Variants in TANC1 observed in about 807,000 individuals in gnomAD.
TANC1 encodes the protein tetratricopeptide repeat, ankyrin repeat and coiled-coil containing 1.
In TANC1, 77 loss-of-function variants were observed where a neutral mutation model predicts 149.7. The observed-to-expected ratio is 0.51, with a 90% CI of 0.43 to 0.62. The LOEUF is 0.62. TANC1 is among the 20% of genes least tolerant of loss of function. The pLI is 0.00. For missense variants in TANC1, 1,985 were observed against 2,321.8 expected (o/e 0.85, Z 2.98); for synonymous variants, 854 against 925.0 (o/e 0.92, Z 1.39).
rs542187598 is a variant in TANC1, at chr2:159,135,530, G to A, written c.260-664G>A. Among the ~76,000 whole-genome samples the A allele has an allele frequency of 1.8e-4, 28 of 152,348 alleles. No individual in the cohort carries two copies. The South Asian group carries it at 5.6e-3, about 30-fold the overall frequency. On this transcript the variant is annotated intron_variant, in intron 4 of 26. Coordinates refer to ENST00000263635, the MANE Select transcript of TANC1 (RefSeq NM_033394.3). ...ATGTGAGGGTTCCATCCAGTCTTAC[G>A]AAGAATTCCGGATTTTCTGATAATA...
chr2:159,038,797 T>C (rs1014515430), intron 2 of TANC1, among the ~76,000 whole-genome samples: 2 of 152,220 alleles, frequency 1.3e-5, no homozygotes, highest in African/African-American at 2.4e-5. Flanking sequence ...ATCAGGGATA[T>C]TGGTCTAAAA....
intron 2 of TANC1, among the ~76,000 whole-genome samples, chr2:159,008,619 G>C (rs975324462): frequency 1.3e-5 from 2 of 152,100 alleles, no homozygotes; most frequent in Non-Finnish European, 2.9e-5. Context: ...ATTTTTTCTT[G>C]ATATGCTAGA....
At chr2:158,994,866 A>G (rs16843530) in intron 1 of TANC1, among the ~76,000 whole-genome samples, 12,050 of 152,286 alleles carry the variant, frequency 0.079, 734 homozygotes, top group East Asian at 0.16. Flanking sequence ...TACTGTTTGG[A>G]GAAAGAACTG....
intron 2 of TANC1, among the ~76,000 whole-genome samples, chr2:159,059,502 C>CT (rs2042074737): frequency 6.9e-6 from 1 of 144,044 alleles, no homozygotes; most frequent in African/African-American, 2.5e-5. Flanking sequence ...GTAAGACTCT[C>CT]TTAAAAAAAA....
intron 19 of TANC1, among the ~76,000 whole-genome samples, chr2:159,210,294 T>C (rs1466147673): frequency 6.6e-6 from 1 of 152,128 alleles, no homozygotes; most frequent in Admixed American, 6.5e-5. Flanking sequence ...TACAGACCCA[T>C]TGTTGTGATC....
At chr2:159,194,619 C>G (rs2057714532) in intron 17 of TANC1, 126 bp downstream of exon 17, 4 of 845,692 alleles carry the variant, frequency 4.7e-6, no homozygotes, top group Non-Finnish European at 7.6e-6. Context: ...AAGGGTCGGG[C>G]TCCAGGGATT....
rs2052636783 is a variant in TANC1, at chr2:159,150,291, G to GT, written c.496-75dup. On this transcript the variant is annotated intron_variant, in intron 6 of 26. Transcript: ENST00000263635. ...CCGTTTTCCTGTTCTTAGTTTTATTGTTTTAGCACAAAAACAAAAGCATGT... is the reference window on the plus strand; with the variant it reads ...CCGTTTTCCTGTTCTTAGTTTTATTGTTTTTAGCACAAAAACAAAAGCATGT... 5.0e-6 allele frequency: 6 copies of GT among 1,194,350 alleles called. No homozygotes were observed. In the Admixed American group the frequency reaches 1.4e-4, roughly 28 times the overall value. The allele number at this position is 1,194,350 out of a possible 1,614,324, so 74.0% of individuals were successfully genotyped here.
intron 4 of TANC1, among the ~76,000 whole-genome samples, chr2:159,117,352 G>C (rs1240231309): frequency 1.3e-5 from 2 of 152,092 alleles, no homozygotes; most frequent in Admixed American, 6.5e-5. Flanking sequence ...TGACACACTT[G>C]TCAGAGTTAA....
chr2:159,019,653 G>GTTTTTTTTTTTTTTTTTT lies in TANC1; in HGVS notation c.-16+18480_-16+18497dup, dbSNP rs55746240. ...CCTAACTGCAGCTTGCTTTCTTTCT[G>GTTTTTTTTTTTTTTTTTT]TTTTTTTTTTTTTTTTTTTTTTTTT... On this transcript the variant is annotated intron_variant, in intron 2 of 26. Coordinates refer to ENST00000263635, the MANE Select transcript of TANC1 (RefSeq NM_033394.3). Among the ~76,000 whole-genome samples, 12 of 73,304 alleles carry GTTTTTTTTTTTTTTTTTT rather than the reference G, an allele frequency of 1.6e-4. 2 individuals are homozygous for GTTTTTTTTTTTTTTTTTT. Among genetic ancestry groups the GTTTTTTTTTTTTTTTTTT allele is most frequent in the Non-Finnish European group, 2.3e-4 (9 of 39,230 alleles). The allele number at this position is 73,304 out of a possible 152,430, so 48.1% of individuals were successfully genotyped here.
Position 159,230,360 on chromosome 2 carries a change from A to G in TANC1, c.4934A>G (p.Gln1645Arg). The G allele has an allele frequency of 6.2e-7, 1 of 1,613,936 alleles. No homozygotes were observed. The highest frequency in any genetic ancestry group is 8.5e-7 in the Non-Finnish European group (1 of 1,179,978). The change falls in exon 27 of 27, where the codon CAA (glutamine) becomes CGA (arginine). Residue 1645 changes from glutamine to arginine, a missense_variant. This residue lies in a region of TANC1 where 920 missense variants were observed against 994.7 expected (regional missense o/e 0.92). Coordinates refer to ENST00000263635, the MANE Select transcript of TANC1 (RefSeq NM_033394.3). This position sits in a 1 kb window ranked among gnomAD's most constrained non-coding sequence, Gnocchi z 4.4. ...SVAVDAAPPN[Q>R]GGLATCSDVR... ...GCTGTGGACGCAGCCCCTCCAAACCAAGGTGGGCTGGCGACCTGCAGCGAC... is the reference window on the plus strand; with the variant it reads ...GCTGTGGACGCAGCCCCTCCAAACCGAGGTGGGCTGGCGACCTGCAGCGAC...
In TANC1 at chr2:159,178,846, GTC is replaced by G; in HGVS notation, c.2201_2202del (p.Ser734Ter). ...GTGCCAGCTACAAGGTGGTGCCCGT[GTC>G]TCTCTCTGAGCTCTATTTGCTTCAG... ...KSASYKVVPV[S>X]LSELYLLQCN... On this transcript the variant is annotated frameshift_variant, in exon 14 of 27. Transcript: ENST00000263635. LOFTEE classifies it high-confidence loss of function. 1.9e-6 allele frequency: 3 copies of G among 1,614,172 alleles called. No homozygotes were observed. The highest frequency in any genetic ancestry group is 2.5e-6 in the Non-Finnish European group (3 of 1,180,038).
intron 4 of TANC1, among the ~76,000 whole-genome samples, chr2:159,111,586 G>A (rs2047726943): frequency 6.6e-6 from 1 of 152,182 alleles, no homozygotes; most frequent in Non-Finnish European, 1.5e-5. Context: ...GGATTACACT[G>A]TACCAGAAAC....
chr2:158,970,772 T>G (rs1397121908), intron 1 of TANC1, among the ~76,000 whole-genome samples: 1 of 152,162 alleles, frequency 6.6e-6, no homozygotes, highest in Non-Finnish European at 1.5e-5. Context: ...AATAGTGTCA[T>G]CGATTTTAGT....
At chr2:159,228,128 A>G (rs2060128293) in intron 25 of TANC1, 163 bp downstream of exon 25, 1 of 759,490 alleles carries the variant, frequency 1.3e-6, no homozygotes, top group African/African-American at 1.7e-5. Flanking sequence ...ATCCGTGACT[A>G]TCGTTTGGTC....
At chr2:159,151,619 A>C (rs2052819246) in intron 7 of TANC1, among the ~76,000 whole-genome samples, 1 of 152,116 alleles carries the variant, frequency 6.6e-6, no homozygotes, top group East Asian at 1.9e-4. Flanking sequence ...TTCAAGTGTA[A>C]TTTGGAAAAC....
At chr2:159,196,489 G>A (rs1037495645) in intron 17 of TANC1, 119 bp from the exon 18 acceptor site, 2 of 766,952 alleles carry the variant, frequency 2.6e-6, no homozygotes, top group Middle Eastern at 2.4e-4. Context: ...AGACAAGTTG[G>A]AATGTGAACC....
Position 159,084,027 on chromosome 2 carries a change from G to A in TANC1, c.62-13610G>A, listed in dbSNP as rs567229499. ...AATGCTTTGGGAGGCCGAGGCGGGC[G>A]GATCATGAGGTCAGGAGTTCGAGAC... On this transcript the variant is annotated intron_variant, in intron 3 of 26. Coordinates refer to ENST00000263635, the MANE Select transcript of TANC1 (RefSeq NM_033394.3). Among the ~76,000 whole-genome samples, 22 of 152,282 alleles carry A rather than the reference G, an allele frequency of 1.4e-4. No homozygotes were observed. In the East Asian group the frequency reaches 1.5e-3, roughly 11 times the overall value.
In TANC1 at chr2:159,225,769, T is replaced by C. The variant is rs1247153330; in HGVS notation, c.3893T>C (p.Val1298Ala). ...CAGAAATTAATGGAGGAAGGAAATGTGATGTACAAAGTAAGTGGTTCCGCC... is the reference window on the plus strand; with the variant it reads ...CAGAAATTAATGGAGGAAGGAAATGCGATGTACAAAGTAAGTGGTTCCGCC... The part of the protein sequence containing the change: ...LLQKLMEEGN[V>A]MYKKGKMKEA... The change falls in exon 24 of 27, where the codon GTG becomes GCG. Residue 1298 changes from valine to alanine, a missense_variant. By Grantham distance (64) the Val-to-Ala change is moderately conservative (BLOSUM62 0). Transcript: ENST00000263635. The C allele has an allele frequency of 6.2e-7, 1 of 1,613,234 alleles. No homozygotes were observed. Among genetic ancestry groups the C allele is most frequent in the East Asian group, 2.2e-5 (1 of 44,886 alleles).
intron 4 of TANC1, among the ~76,000 whole-genome samples, chr2:159,135,358 C>G (rs1201327947): frequency 6.6e-6 from 1 of 152,260 alleles, no homozygotes; most frequent in Non-Finnish European, 1.5e-5. Flanking sequence ...TTAGCTAGTA[C>G]AAATGGCGTT....
Sources: allele counts gnomAD v4.1 joint callset (sites outside exome capture counted in the v4.1 genomes callset), GRCh38; gene constraint gnomAD v4.1.1; regional missense constraint gnomAD v4.1.1; non-coding constraint Gnocchi (gnomAD v3.1); transcripts MANE v1.5; gene names NCBI Gene and HGNC (gene_info 2026-07-23, HGNC 2026-07-21).